ZNF318: variants seen among roughly 807,000 people sequenced by gnomAD.
The protein encoded by ZNF318 is zinc finger protein 318, also known as endocrine regulator.
Under a neutral mutation model 124.2 loss-of-function variants are expected in ZNF318, and 51 were observed. The ratio of observed to expected loss-of-function variants is 0.41; its 90% CI spans 0.33 to 0.52. ZNF318 has a LOEUF of 0.52. ZNF318 is among the 20% of genes least tolerant of loss of function. ZNF318 has a pLI of 0.23. For missense variants in ZNF318, 2,815 were observed against 2,811.2 expected (o/e 1.00, Z -0.03); for synonymous variants, 1,090 against 1,040.7 (o/e 1.05, Z -0.91).
In ZNF318 at chr6:43,364,068, T is replaced by G. The variant is rs184308945; in HGVS notation, c.548+1224A>C. 371 of 1,125,554 alleles carry G rather than the reference T, an allele frequency of 3.3e-4. 1 individual carries two copies. The highest frequency in any genetic ancestry group is 9.8e-4 in the South Asian group (78 of 79,820). The allele number at this position is 1,125,554 out of a possible 1,614,324, so 69.7% of individuals were successfully genotyped here. Reference sequence around the variant, plus strand: ...AAGAAGCTGCTCATGATGGCTGGTATTGATGACTGCTACACCTCAGCCAGG... The same window carrying G: ...AAGAAGCTGCTCATGATGGCTGGTAGTGATGACTGCTACACCTCAGCCAGG... On this transcript the variant is annotated intron_variant, in intron 2 of 9. Transcript: ENST00000361428.
chr6:43,346,078 G>A (rs1304882910), intron 6 of ZNF318, among the ~76,000 whole-genome samples: 1 of 148,626 alleles, frequency 6.7e-6, no homozygotes, highest in Non-Finnish European at 1.5e-5. Context: ...GCACACGCCT[G>A]TAACTCCAGC....
At chr6:43,359,984 T>C (rs890597122) in intron 2 of ZNF318, among the ~76,000 whole-genome samples, 1 of 152,222 alleles carries the variant, frequency 6.6e-6, no homozygotes, top group Admixed American at 6.5e-5. Context: ...CAGAGAGGAA[T>C]GTTCATGAGT....
chr6:43,348,985 G>A (rs1759555680), intron 5 of ZNF318, among the ~76,000 whole-genome samples: 1 of 152,220 alleles, frequency 6.6e-6, no homozygotes, highest in Admixed American at 6.5e-5. Context: ...AGTGAGCCAA[G>A]ATCATGCCAT....
Position 43,339,631 on chromosome 6 carries a change from G to A in ZNF318, c.4367C>T (p.Pro1456Leu). ...CGGGGCAGCTGGATGAGGTATAACG[G>A]GGGGTGGTGGAGGTGGTGGAGGTGG... ...PPPPPPPPPP[P>L]VIPHPAAPSA... The change falls in exon 10 of 10, where the codon CCC becomes CTC. Residue 1456 changes from proline to leucine, a missense_variant. Transcript: ENST00000361428. This position sits in a 1 kb window ranked among gnomAD's most constrained non-coding sequence, Gnocchi z 4.2. The A allele has an allele frequency of 1.2e-6, 2 of 1,612,940 alleles. No individual in the cohort carries two copies. Among genetic ancestry groups the A allele is most frequent in the Non-Finnish European group, 8.5e-7 (1 of 1,179,720 alleles).
chr6:43,340,622 A>G, intron 9 of ZNF318, 120 bp from the exon 10 acceptor site: 2 of 1,506,200 alleles, frequency 1.3e-6, no homozygotes, highest in Non-Finnish European at 1.8e-6. Flanking sequence ...CCTCAAGGAC[A>G]TACGGGATGC....
chr6:43,340,653 C>G lies in ZNF318; in HGVS notation c.3495+137G>C, dbSNP rs1348086367. 3.3e-6 allele frequency: 5 copies of G among 1,503,838 alleles called. No individual in the cohort carries two copies. The Admixed American group carries it at 1.1e-4, about 32-fold the overall frequency. The allele number at this position is 1,503,838 out of a possible 1,614,324, so 93.2% of individuals were successfully genotyped here. On this transcript the variant is annotated intron_variant, in intron 9 of 9. Coordinates refer to ENST00000361428, the MANE Select transcript of ZNF318 (RefSeq NM_014345.3). ...GATGCTATCTGCTGAGCATCTCCCA[C>G]TAGGATTGAGGAGAACTTAGAGGTT...
chr6:43,348,709 C>CT (rs1308723075), intron 5 of ZNF318, 84 bp from the exon 6 acceptor site: 1 of 1,457,120 alleles, frequency 6.9e-7, no homozygotes, highest in Non-Finnish European at 9.2e-7. Context: ...TTTGTCAGGG[C>CT]TTTATGGTTA....
chr6:43,347,781 G>A (rs1779466659), intron 6 of ZNF318, among the ~76,000 whole-genome samples: 1 of 152,100 alleles, frequency 6.6e-6, no homozygotes, highest in African/African-American at 2.4e-5. Flanking sequence ...ATTCTGGCAA[G>A]GACTGAGCCC....
chr6:43,363,898 A>G (rs1779722213), intron 2 of ZNF318: 1 of 691,690 alleles, frequency 1.4e-6, no homozygotes, highest in Non-Finnish European at 2.6e-6. Context: ...CAAGCTCTCC[A>G]TTCTCCCTGT....
intron 6 of ZNF318, among the ~76,000 whole-genome samples, chr6:43,346,181 C>T (rs1246670670): frequency 4.2e-5 from 3 of 72,126 alleles, no homozygotes; most frequent in African/African-American, 2.0e-4. Flanking sequence ...GACTCTGTTT[C>T]AAAAAAAAAA....
chr6:43,365,701 T>A (rs1206112031), intron 1 of ZNF318, among the ~76,000 whole-genome samples: 1 of 152,130 alleles, frequency 6.6e-6, no homozygotes, highest in East Asian at 1.9e-4. Context: ...GGAGGATAGC[T>A]TAAGCTTGGG....
At chr6:43,368,874 C>A (rs80023147) in intron 1 of ZNF318, 93 bp downstream of exon 1, 14,043 of 1,248,632 alleles carry the variant, frequency 0.011, 170 homozygotes, top group African/African-American at 0.043. Context: ...CGCTTAGGAC[C>A]CTGGTCTGGA....
intron 2 of ZNF318, chr6:43,364,285 T>A: frequency 1.0e-5 from 4 of 390,896 alleles, no homozygotes; most frequent in Admixed American, 3.8e-5. Flanking sequence ...CAGCTGTGGC[T>A]ACAACATAGG....
chr6:43,341,361 A>G (rs890382504), intron 8 of ZNF318, among the ~76,000 whole-genome samples: 2 of 152,208 alleles, frequency 1.3e-5, no homozygotes, highest in South Asian at 4.1e-4. Flanking sequence ...AAGAAATTGA[A>G]AAGTTTATGG....
chr6:43,350,478 C>T (rs184809512), intron 5 of ZNF318, among the ~76,000 whole-genome samples: 4 of 152,198 alleles, frequency 2.6e-5, no homozygotes, highest in Admixed American at 2.0e-4. Flanking sequence ...AGGAAGTTCC[C>T]TCTTACAGTG....
At chr6:43,349,507 G>T (rs191743723) in intron 5 of ZNF318, among the ~76,000 whole-genome samples, 1 of 151,080 alleles carries the variant, frequency 6.6e-6, no homozygotes, top group South Asian at 2.1e-4. Flanking sequence ...ATACAGGTGT[G>T]AGCCACCACA....
intron 6 of ZNF318, 92 bp from the exon 7 acceptor site, chr6:43,342,971 A>C: frequency 3.1e-6 from 3 of 958,614 alleles, no homozygotes; most frequent in Non-Finnish European, 4.7e-6. Flanking sequence ...TAATAGAAAT[A>C]GGGCCATATG....
intron 1 of ZNF318, among the ~76,000 whole-genome samples, chr6:43,367,942 T>A (rs993308999): frequency 6.6e-6 from 1 of 152,160 alleles, no homozygotes; most frequent in Admixed American, 6.5e-5. Context: ...GGAGGATTGA[T>A]TGAACCCCGG....
chr6:43,359,802 T>G (rs1779657775), intron 2 of ZNF318, among the ~76,000 whole-genome samples: 1 of 152,192 alleles, frequency 6.6e-6, no homozygotes. Flanking sequence ...ATGCCACCTG[T>G]GGGAATCCAG....
Sources: gnomAD v4.1 joint callset for allele counts (sites outside exome capture counted in the v4.1 genomes callset) on GRCh38, gnomAD v4.1.1 for gene constraint, Gnocchi (gnomAD v3.1) non-coding constraint, MANE v1.5 for transcripts, NCBI Gene and HGNC (gene_info 2026-07-23, HGNC 2026-07-21) for gene names.